SIL1: variants seen among roughly 807,000 people sequenced by gnomAD.
SIL1 encodes SIL1 nucleotide exchange factor, also known as nucleotide exchange factor SIL1.
SIL1 carries 40 observed loss-of-function variants against 49.1 expected under a neutral mutation model. That is an observed-to-expected ratio of 0.81 (90% CI 0.63 to 1.06). The LOEUF is 1.06. Among genes scored for constraint, SIL1 ranks in the 50% least tolerant of loss-of-function variants. SIL1 has a pLI of 0.00. For missense variants in SIL1, 500 were observed against 572.6 expected, an observed-to-expected ratio of 0.87 and a Z score of 1.29; for synonymous variants, 253 against 250.8, an observed-to-expected ratio of 1.01 and a Z score of -0.08.
intron 7 of SIL1, among the ~76,000 whole-genome samples, chr5:138,979,948 C>A (rs938181733): frequency 6.6e-6 from 1 of 152,186 alleles, no homozygotes; most frequent in Non-Finnish European, 1.5e-5. Flanking sequence ...TTCAGCCACC[C>A]GGGTGAGCAA....
chr5:138,979,022 T>G (rs770739956), intron 7 of SIL1, among the ~76,000 whole-genome samples: 3 of 152,176 alleles, frequency 2.0e-5, no homozygotes, highest in Non-Finnish European at 4.4e-5. Flanking sequence ...TTCACTTTCT[T>G]GATGGTATCC....
intron 7 of SIL1, among the ~76,000 whole-genome samples, chr5:138,960,779 TTCTC>T (rs1767004630): frequency 6.6e-6 from 1 of 152,226 alleles, no homozygotes; most frequent in Non-Finnish European, 1.5e-5. Context: ...TTATTATCAT[TTCTC>T]TATCTGATCT....
chr5:138,952,678 A>G (rs1037102121), intron 7 of SIL1, among the ~76,000 whole-genome samples: 9 of 152,258 alleles, frequency 5.9e-5, no homozygotes, highest in Non-Finnish European at 1.3e-4. Context: ...ACTGCACTAA[A>G]GTACTCAAAA....
In SIL1 at chr5:139,051,801, G is replaced by A. The variant is rs573050195; in HGVS notation, c.245-755C>T. On this transcript the variant is annotated intron_variant, in intron 3 of 9. Transcript: ENST00000394817. ...GAAAAACAAGTGTTGTGAATCGATG[G>A]GCTATTCCTATGCACTGCACAAAAC... Among the ~76,000 whole-genome samples, 96 of 152,272 alleles carry A rather than the reference G, an allele frequency of 6.3e-4. 1 individual carries two copies. Among genetic ancestry groups the A allele is most frequent in the African/African-American group, 2.2e-3 (90 of 41,558 alleles).
intron 1 of SIL1, chr5:139,131,605 CTCT>C (rs1750864822): frequency 6.6e-6 from 1 of 152,250 alleles, no homozygotes. Flanking sequence ...AGCTCCCCCC[CTCT>C]TTTTTTGCCG....
At chr5:138,983,231 G>A (rs1485524121) in intron 7 of SIL1, among the ~76,000 whole-genome samples, 21 of 145,988 alleles carry the variant, frequency 1.4e-4, no homozygotes, top group African/African-American at 2.0e-4. Context: ...AAAAAAGGCC[G>A]GGCGCGGTGG....
At chr5:139,181,790 G>GACAA (rs1751987614) in intron 1 of SIL1, among the ~76,000 whole-genome samples, 1 of 152,152 alleles carries the variant, frequency 6.6e-6, no homozygotes, top group Admixed American at 6.5e-5. Context: ...CACTGTTGAT[G>GACAA]ACAATCAAGG....
At chr5:138,983,665 C>A (rs1202376071) in intron 7 of SIL1, among the ~76,000 whole-genome samples, 1 of 152,046 alleles carries the variant, frequency 6.6e-6, no homozygotes, top group Non-Finnish European at 1.5e-5. Context: ...ACCCACTCTA[C>A]CCTGCCCGGA....
Position 139,155,224 on chromosome 5 carries a change from G to A in SIL1, c.-10-27371C>T, listed in dbSNP as rs186717034. On this transcript the variant is annotated intron_variant, in intron 1 of 9. Coordinates refer to ENST00000394817, the MANE Select transcript of SIL1 (RefSeq NM_022464.5). ...ATTCTGAGATTTCTGGGCACAAGTGGGTATGAGCTGGGTTAGGCCCACTGT... is the reference window on the plus strand; with the variant it reads ...ATTCTGAGATTTCTGGGCACAAGTGAGTATGAGCTGGGTTAGGCCCACTGT... 2.6e-4 allele frequency: 40 copies of A among 152,246 alleles called. No homozygotes were observed. The East Asian group carries it at 6.9e-3, about 26-fold the overall frequency. 9.4% of individuals were successfully genotyped at this position (152,246 alleles called of 1,614,324 possible). A position where few individuals can be genotyped will look rare whatever the true frequency, so the allele number is the denominator to read the frequency against.
At chr5:139,062,288 G>T (rs1475459816) in intron 3 of SIL1, among the ~76,000 whole-genome samples, 4 of 152,090 alleles carry the variant, frequency 2.6e-5, no homozygotes, top group South Asian at 2.1e-4. Flanking sequence ...CTGGATCATA[G>T]TCATATTTAT....
chr5:139,182,719 A>C (rs1752012970), intron 1 of SIL1, among the ~76,000 whole-genome samples: 1 of 152,202 alleles, frequency 6.6e-6, no homozygotes, highest in Non-Finnish European at 1.5e-5. Flanking sequence ...CAAGTGAGAC[A>C]AAACATTTAT....
intron 6 of SIL1, among the ~76,000 whole-genome samples, chr5:139,025,008 G>A (rs997356072): frequency 2.0e-4 from 31 of 152,166 alleles, no homozygotes; most frequent in South Asian, 4.2e-4. Flanking sequence ...TTCCTATCTC[G>A]CCATAGTTTC....
intron 3 of SIL1, among the ~76,000 whole-genome samples, chr5:139,120,403 TA>T (rs1750599255): frequency 1.3e-5 from 2 of 152,170 alleles, no homozygotes; most frequent in South Asian, 4.1e-4. Flanking sequence ...ATAAGGATAA[TA>T]ATAGTTCCTA....
At chr5:139,010,624 T>C (rs1292817484) in intron 7 of SIL1, among the ~76,000 whole-genome samples, 1 of 149,530 alleles carries the variant, frequency 6.7e-6, no homozygotes, top group East Asian at 2.0e-4. Flanking sequence ...ATGATGGTGA[T>C]GTACAGATGG....
intron 7 of SIL1, among the ~76,000 whole-genome samples, chr5:139,000,638 GAAGAT>G (rs1164052898): frequency 3.3e-5 from 5 of 152,034 alleles, no homozygotes; most frequent in Non-Finnish European, 5.9e-5. Context: ...TATACTCTCA[GAAGAT>G]AATATAGGCA....
chr5:139,077,214 C>T (rs147149900), intron 3 of SIL1, among the ~76,000 whole-genome samples: 2 of 152,326 alleles, frequency 1.3e-5, no homozygotes, highest in East Asian at 1.9e-4. Flanking sequence ...TTCCCTCCCC[C>T]ACATTCAATC....
intron 7 of SIL1, among the ~76,000 whole-genome samples, chr5:138,968,824 G>C (rs1277506751): frequency 6.6e-6 from 1 of 152,126 alleles, no homozygotes; most frequent in Non-Finnish European, 1.5e-5. Flanking sequence ...CCCAGCACTA[G>C]GCACGTGGAT....
chr5:139,055,878 G>A (rs969051358), intron 3 of SIL1, among the ~76,000 whole-genome samples: 11 of 151,874 alleles, frequency 7.2e-5, no homozygotes, highest in Non-Finnish European at 1.2e-4. Context: ...TCACTGTGTT[G>A]GCCGGGCCAG....
At chr5:139,010,748 G>A (rs1768238051) in intron 7 of SIL1, among the ~76,000 whole-genome samples, 1 of 151,810 alleles carries the variant, frequency 6.6e-6, no homozygotes, top group African/African-American at 2.4e-5. Flanking sequence ...TGCCCCTGCT[G>A]GGGGGTGCCT....
Sources: gnomAD v4.1 joint callset for allele counts (sites outside exome capture counted in the v4.1 genomes callset) on GRCh38, gnomAD v4.1.1 for gene constraint, MANE v1.5 for transcripts, NCBI Gene and HGNC (gene_info 2026-07-23, HGNC 2026-07-21) for gene names.